Variants in ANKFN1 observed in about 807,000 individuals in gnomAD.
ANKFN1 encodes ankyrin repeat and fibronectin type-III domain-containing protein 1.
Under a neutral mutation model 108.7 loss-of-function variants are expected in ANKFN1, and 74 were observed. That is an observed-to-expected ratio of 0.68 (90% CI 0.56 to 0.83). ANKFN1 has a LOEUF of 0.83. ANKFN1 is among the 40% of genes least tolerant of loss of function. The pLI is 0.00. For synonymous variants in ANKFN1, 547 were observed against 516.2 expected, an observed-to-expected ratio of 1.06 and a Z score of -0.81; for missense variants, 1,505 against 1,382.3, an observed-to-expected ratio of 1.09 and a Z score of -1.41.
At chr17:56,180,920 T>C (rs1242522278) in intron 1 of ANKFN1, among the ~76,000 whole-genome samples, 3 of 152,196 alleles carry the variant, frequency 2.0e-5, no homozygotes, top group African/African-American at 7.2e-5. Flanking sequence ...GAAGGAGTGC[T>C]GTTCTCTAAG....
chr17:56,117,454 C>A (rs1906350800), intron 4 of ANKFN1, among the ~76,000 whole-genome samples: 1 of 152,124 alleles, frequency 6.6e-6, no homozygotes, highest in Non-Finnish European at 1.5e-5. Flanking sequence ...AATTTTCCCT[C>A]CAAATGGGAT....
chr17:56,414,595 A>G (rs2145012707), intron 8 of ANKFN1, among the ~76,000 whole-genome samples: 1 of 152,342 alleles, frequency 6.6e-6, no homozygotes, highest in East Asian at 1.9e-4. Context: ...AACACAGAGA[A>G]AGAACTGGTT....
In ANKFN1 at chr17:56,514,527, C is replaced by T. The variant is rs1244464929; in HGVS notation, c.*3258C>T. On this transcript the variant is annotated 3_prime_UTR_variant, in exon 21 of 21. Transcript: ENST00000682825. ...TATGTTTGGCAACTACTTAACAAAG[C>T]TAAAACATCCTCTTAATTGGCGAGG... Among the ~76,000 whole-genome samples the T allele has an allele frequency of 6.6e-6, 1 of 152,102 alleles. No individual in the cohort carries two copies. The highest frequency in any genetic ancestry group is 6.5e-5 in the Admixed American group (1 of 15,268).
chr17:56,364,980 A>C (rs964984548), intron 6 of ANKFN1, among the ~76,000 whole-genome samples: 5 of 152,206 alleles, frequency 3.3e-5, no homozygotes, highest in Non-Finnish European at 7.4e-5. Context: ...CTTAAGATGG[A>C]TAAATTGGAA....
intron 4 of ANKFN1, among the ~76,000 whole-genome samples, chr17:56,068,901 C>A (rs1398768312): frequency 6.6e-6 from 1 of 152,106 alleles, no homozygotes; most frequent in Admixed American, 6.6e-5. Context: ...ATTTCTAAAA[C>A]CCTCTTTGAA....
chr17:56,357,461 A>G (rs188700445), intron 6 of ANKFN1, among the ~76,000 whole-genome samples: 1 of 152,228 alleles, frequency 6.6e-6, no homozygotes, highest in Admixed American at 6.5e-5. Context: ...ACACAAACTC[A>G]CTGCCTTTCC....
intron 1 of ANKFN1, among the ~76,000 whole-genome samples, chr17:56,154,546 G>A (rs796352829): frequency 5.2e-4 from 79 of 150,512 alleles, no homozygotes; most frequent in African/African-American, 1.8e-3. Context: ...TGAGGCCTAA[G>A]CATAACTGCT....
chr17:56,168,071 G>A (rs919985117), intron 1 of ANKFN1, among the ~76,000 whole-genome samples: 14 of 152,096 alleles, frequency 9.2e-5, no homozygotes, highest in Admixed American at 5.9e-4. Flanking sequence ...ATTTGAGACC[G>A]GCCTGACCAG....
chr17:56,352,086 C>A (rs1423801016), intron 5 of ANKFN1, among the ~76,000 whole-genome samples: 1 of 152,182 alleles, frequency 6.6e-6, no homozygotes, highest in Non-Finnish European at 1.5e-5. Flanking sequence ...TCAAACTCAT[C>A]TTTTGGGAGG....
At chr17:56,369,743 T>G (rs143144595) in intron 6 of ANKFN1, among the ~76,000 whole-genome samples, 3 of 152,206 alleles carry the variant, frequency 2.0e-5, no homozygotes, top group African/African-American at 7.2e-5. Flanking sequence ...ATTAAGCTAT[T>G]AAAAAAATCC....
intron 4 of ANKFN1, among the ~76,000 whole-genome samples, chr17:56,118,022 G>A (rs1333036231): frequency 6.6e-6 from 1 of 152,070 alleles, no homozygotes; most frequent in African/African-American, 2.4e-5. Flanking sequence ...CATTTGGTAT[G>A]ATGTTTTCAG....
At chr17:56,310,911 G>T (rs1598390400) in intron 3 of ANKFN1, among the ~76,000 whole-genome samples, 1 of 151,994 alleles carries the variant, frequency 6.6e-6, no homozygotes, top group African/African-American at 2.4e-5. Flanking sequence ...ATTGACCAAC[G>T]TCTCCCCATT....
At chr17:56,274,397 C>T (rs2043866366) in intron 3 of ANKFN1, among the ~76,000 whole-genome samples, 3 of 152,076 alleles carry the variant, frequency 2.0e-5, no homozygotes, top group Non-Finnish European at 2.9e-5. Flanking sequence ...GGCGTGAACC[C>T]GGGAGGCGGA....
chr17:56,207,194 C>T (rs1015701960), intron 1 of ANKFN1, among the ~76,000 whole-genome samples: 11 of 152,172 alleles, frequency 7.2e-5, no homozygotes, highest in African/African-American at 2.7e-4. Flanking sequence ...AAATGTGTCC[C>T]CTGAACAGCA....
rs1598689564 is a variant in ANKFN1, at chr17:56,478,493, C to A, written c.1940+839C>A. ...TGTTTTCTACAACCCTTATAATTCT[C>A]TATGGAAGAAAAGAAGTAACAAGGC... On this transcript the variant is annotated intron_variant, in intron 16 of 20. Coordinates refer to ENST00000682825, the MANE Select transcript of ANKFN1 (RefSeq NM_001370326.1). Among the ~76,000 whole-genome samples the A allele has an allele frequency of 2.0e-5, 3 of 152,256 alleles. 1 individual carries two copies. In the South Asian group the frequency reaches 6.2e-4, roughly 32 times the overall value.
chr17:56,467,339 G>A (rs980692021), intron 15 of ANKFN1, among the ~76,000 whole-genome samples: 1 of 151,914 alleles, frequency 6.6e-6, no homozygotes, highest in Non-Finnish European at 1.5e-5. Context: ...TGTTCCTTAC[G>A]ATACTCCCTT....
rs140980843 is a variant in ANKFN1 at position 56,292,487 on chromosome 17, G to A, written c.54-33734G>A. ...CAAGAAGAAATCTCTTGGAAGAAAT[G>A]GAATGTCCACTCTTTTCTTGTGTCT... On this transcript the variant is annotated intron_variant, in intron 3 of 20. Transcript: ENST00000682825. Among the ~76,000 whole-genome samples the A allele has an allele frequency of 2.7e-3, 408 of 152,266 alleles. 2 individuals carry two copies. Among genetic ancestry groups the A allele is most frequent in the Non-Finnish European group, 3.4e-3 (230 of 68,022 alleles).
At chr17:56,366,324 G>A (rs2046660687) in intron 6 of ANKFN1, among the ~76,000 whole-genome samples, 1 of 152,148 alleles carries the variant, frequency 6.6e-6, no homozygotes, top group Non-Finnish European at 1.5e-5. Flanking sequence ...TGGCTCTAGG[G>A]AAAGCAGAAA....
rs1472031578 is a variant in ANKFN1 at position 56,456,426 on chromosome 17, C to T, written c.1208-435C>T. Among the ~76,000 whole-genome samples the T allele has an allele frequency of 6.8e-5, 7 of 102,710 alleles. No individual in the cohort carries two copies. In the East Asian group the frequency reaches 1.0e-3, roughly 15 times the overall value. The allele number at this position is 102,710 out of a possible 152,430, so 67.4% of individuals were successfully genotyped here. A position where few individuals can be genotyped will look rare whatever the true frequency, so the allele number is the denominator to read the frequency against. Reference sequence around the variant, plus strand: ...CTTTTTTTTTTTTTTTTTTTTGATACGGATTCTCGCTCTGTCGCCCAGGCT... The same window carrying T: ...CTTTTTTTTTTTTTTTTTTTTGATATGGATTCTCGCTCTGTCGCCCAGGCT... On this transcript the variant is annotated intron_variant, in intron 11 of 20. Transcript: ENST00000682825.
Sources: allele counts gnomAD v4.1 joint callset (sites outside exome capture counted in the v4.1 genomes callset), GRCh38; gene constraint gnomAD v4.1.1; transcripts MANE v1.5; gene names NCBI Gene and HGNC (gene_info 2026-07-23, HGNC 2026-07-21).